B3GNT5: variants seen among roughly 807,000 people sequenced by gnomAD.
B3GNT5 encodes UDP-GlcNAc:betaGal beta-1,3-N-acetylglucosaminyltransferase 5.
In B3GNT5, 11 loss-of-function variants were observed where a neutral mutation model predicts 25.9. The observed-to-expected ratio is 0.42, with a 90% CI of 0.27 to 0.70. The LOEUF is 0.70. Ranked by LOEUF, B3GNT5 falls within the 30% of genes least tolerant of loss-of-function variation. B3GNT5 has a pLI of 0.23. For missense variants in B3GNT5, 385 were observed against 458.4 expected (o/e 0.84, Z 1.46); for synonymous variants, 166 against 158.6 (o/e 1.05, Z -0.35).
In B3GNT5 at chr3:183,270,985, G is replaced by GA. The variant is rs1577008169; in HGVS notation, c.*57dup. ...CACTGTCACTGAGTCAAACCTGGAT[G>GA]AAAAAAACCTTTAAATGTTCGTCTA... On this transcript the variant is annotated 3_prime_UTR_variant, in exon 2 of 2. Coordinates refer to ENST00000326505, the MANE Select transcript of B3GNT5 (RefSeq NM_032047.5). The surrounding 1 kb of genome is among the most constrained non-coding windows in gnomAD (Gnocchi z 4.5). 5 of 1,478,728 alleles carry GA rather than the reference G, an allele frequency of 3.4e-6. No homozygotes were observed. The South Asian group carries it at 4.2e-5, about 12-fold the overall frequency. The allele number at this position is 1,478,728 out of a possible 1,614,324, so 91.6% of individuals were successfully genotyped here. A position where few individuals can be genotyped will look rare whatever the true frequency, so the allele number is the denominator to read the frequency against.
In B3GNT5 at chr3:183,273,116, G is replaced by T; in HGVS notation, c.*2181G>T. The stretch of plus-strand genomic sequence containing the variant: ...TAAAAAAGAAGGAAAAAACTTTTTG[G>T]TGCTCCAGTGTAGGGCTATCTTTTT... On this transcript the variant is annotated 3_prime_UTR_variant, in exon 2 of 2. Transcript: ENST00000326505. 9.9e-7 allele frequency: 1 copy of T among 1,007,552 alleles called. No homozygotes were observed. Among genetic ancestry groups the T allele is most frequent in the Non-Finnish European group, 1.4e-6 (1 of 701,798 alleles). 62.4% of individuals were successfully genotyped at this position (1,007,552 alleles called of 1,614,324 possible).
rs144646232 is a variant in B3GNT5, at chr3:183,270,681, A to G, written c.883A>G (p.Ile295Val). The G allele has an allele frequency of 6.3e-5, 101 of 1,614,158 alleles. No homozygotes were observed. In the African/African-American group the frequency reaches 1.3e-3, roughly 20 times the overall value. The change falls in exon 2 of 2, where the codon ATA (isoleucine) becomes GTA (valine). Residue 295 changes from isoleucine to valine, a missense_variant. Coordinates refer to ENST00000326505, the MANE Select transcript of B3GNT5 (RefSeq NM_032047.5). This position sits in a 1 kb window ranked among gnomAD's most constrained non-coding sequence, Gnocchi z 4.5. ...GGGCCTCTGTGCCAATAAAATAGGG[A>G]TAGTACCGCAGGACCATGTGTTTTT... ...FMGLCANKIG[I>V]VPQDHVFFSG...
At chr3:183,265,276 C>T (rs1725989764) in intron 1 of B3GNT5, 1 of 152,268 alleles carries the variant, frequency 6.6e-6, no homozygotes, top group Non-Finnish European at 1.5e-5. Flanking sequence ...GGCCACTGAC[C>T]CGTGCTGCAG....
At position 183,272,995 on chromosome 3, in the gene B3GNT5, C is replaced by A; in HGVS notation, c.*2060C>A. 6.8e-7 allele frequency: 1 copy of A among 1,478,428 alleles called. No homozygotes were observed. The highest frequency in any genetic ancestry group is 1.4e-5 in the South Asian group (1 of 71,492). 91.6% of individuals were successfully genotyped at this position (1,478,428 alleles called of 1,614,324 possible). A position where few individuals can be genotyped will look rare whatever the true frequency, so the allele number is the denominator to read the frequency against. Reference sequence around the variant, plus strand: ...TTTCAAGGAAATATGAAGGCACTTCCTTTTTTTCTAAGAAGGAAGTTGCTA... The same window carrying A: ...TTTCAAGGAAATATGAAGGCACTTCATTTTTTTCTAAGAAGGAAGTTGCTA... On this transcript the variant is annotated 3_prime_UTR_variant, in exon 2 of 2. Coordinates refer to ENST00000326505, the MANE Select transcript of B3GNT5 (RefSeq NM_032047.5).
intron 1 of B3GNT5, among the ~76,000 whole-genome samples, chr3:183,268,436 A>G (rs1178267413): frequency 1.5e-4 from 23 of 152,170 alleles, no homozygotes; most frequent in Admixed American, 1.4e-3. Flanking sequence ...TGATGATAAC[A>G]TGAAGGGGTG....
intron 1 of B3GNT5, among the ~76,000 whole-genome samples, chr3:183,257,173 A>G (rs1049187538): frequency 1.3e-5 from 2 of 152,244 alleles, no homozygotes; most frequent in Admixed American, 6.5e-5. Flanking sequence ...TGACATTGTC[A>G]ACAAGTTATC....
chr3:183,255,210 G>A (rs899078073), intron 1 of B3GNT5, among the ~76,000 whole-genome samples: 3 of 152,204 alleles, frequency 2.0e-5, no homozygotes, highest in Non-Finnish European at 2.9e-5. Flanking sequence ...CCCAGAAAAG[G>A]ATGATTGAAG....
At chr3:183,253,576 C>T (rs1724712282) in intron 1 of B3GNT5, 104 bp downstream of exon 1, 1 of 152,262 alleles carries the variant, frequency 6.6e-6, no homozygotes, top group Admixed American at 6.5e-5. Context: ...AGTTTCCTTA[C>T]TTTGTTACTG....
intron 1 of B3GNT5, among the ~76,000 whole-genome samples, chr3:183,259,973 C>T (rs1384842419): frequency 6.6e-6 from 1 of 152,182 alleles, no homozygotes; most frequent in Non-Finnish European, 1.5e-5. Flanking sequence ...AGCAAATTCT[C>T]ATCCATCTTG....
Position 183,270,097 on chromosome 3 carries a change from A to C in B3GNT5, c.299A>C (p.Asn100Thr). ...LLLFVKTAPE[N>T]YDRRSGIRRT... ...CTGTTTGTAAAAACTGCTCCTGAAA[A>C]CTATGATCGACGTTCCGGAATTAGA... is the stretch of plus-strand genomic sequence containing the variant. The change falls in exon 2 of 2, where the codon AAC (asparagine) becomes ACC (threonine). Residue 100 changes from asparagine to threonine, a missense_variant. Physicochemically the swap from Asn to Thr is moderately conservative, Grantham distance 65 (BLOSUM62 0). Transcript: ENST00000326505. This position sits in a 1 kb window ranked among gnomAD's most constrained non-coding sequence, Gnocchi z 4.5. 6.2e-7 allele frequency: 1 copy of C among 1,614,162 alleles called. No individual in the cohort carries two copies. The highest frequency in any genetic ancestry group is 1.1e-5 in the South Asian group (1 of 91,076).
At position 183,270,550 on chromosome 3, in the gene B3GNT5, A is replaced by T. The variant is rs1726667127; in HGVS notation, c.752A>T (p.Asp251Val). Residue 251 changes from aspartate (D) to valine (V), a missense_variant, in exon 2 of 2, where the codon GAC becomes GTC. Physicochemically the swap from Asp to Val is radical, Grantham distance 152 (BLOSUM62 -3). Transcript: ENST00000326505. The surrounding 1 kb of genome is among the most constrained non-coding windows in gnomAD (Gnocchi z 4.5). ...ATGTACCAGTGGCCAGCTTACCCTGACTACACAGCCGGAGCTGCCTATGTA... is the reference window on the plus strand; with the variant it reads ...ATGTACCAGTGGCCAGCTTACCCTGTCTACACAGCCGGAGCTGCCTATGTA... ...YEMYQWPAYP[D>V]YTAGAAYVIS... 2.5e-6 allele frequency: 4 copies of T among 1,614,014 alleles called. No individual in the cohort carries two copies. The highest frequency in any genetic ancestry group is 1.7e-5 in the Admixed American group (1 of 59,994).
chr3:183,266,080 G>A (rs1028683949), intron 1 of B3GNT5: 3 of 152,160 alleles, frequency 2.0e-5, no homozygotes, highest in Non-Finnish European at 2.9e-5. Context: ...ACCAGCTGCC[G>A]GCTTACAGTA....
At chr3:183,255,397 G>A (rs1724951645) in intron 1 of B3GNT5, among the ~76,000 whole-genome samples, 1 of 152,226 alleles carries the variant, frequency 6.6e-6, no homozygotes, top group Admixed American at 6.5e-5. Context: ...TGCTTTTAAA[G>A]CAAGCTAAAC....
intron 1 of B3GNT5, among the ~76,000 whole-genome samples, chr3:183,268,503 A>G (rs1726374992): frequency 6.6e-6 from 1 of 151,382 alleles, no homozygotes; most frequent in African/African-American, 2.5e-5. Flanking sequence ...ATGGAAGTGG[A>G]GAAAATGGGG....
At chr3:183,255,344 T>TC (rs1185979817) in intron 1 of B3GNT5, among the ~76,000 whole-genome samples, 1 of 152,238 alleles carries the variant, frequency 6.6e-6, no homozygotes, top group African/African-American at 2.4e-5. Context: ...TTCTATCTGG[T>TC]CACAAGTGAG....
Position 183,270,377 on chromosome 3 carries a change from T to C in B3GNT5, c.579T>C (p.Asp193=), listed in dbSNP as rs1399703671. ...CPHAKFLMTA[D]DDIFIHMPNL... ...ATGCCAAATTTCTTATGACTGCTGA[T>C]GATGACATATTTATTCACATGCCAA... is the stretch of plus-strand genomic sequence containing the variant. Residue 193 remains aspartate (D), a synonymous_variant, in exon 2 of 2, where the codon GAT becomes GAC. Coordinates refer to ENST00000326505, the MANE Select transcript of B3GNT5 (RefSeq NM_032047.5). The surrounding 1 kb of genome is among the most constrained non-coding windows in gnomAD (Gnocchi z 4.5). 6.2e-7 allele frequency: 1 copy of C among 1,614,254 alleles called. No individual in the cohort carries two copies. The highest frequency in any genetic ancestry group is 8.5e-7 in the Non-Finnish European group (1 of 1,180,042).
At position 183,273,054 on chromosome 3, in the gene B3GNT5, G is replaced by C. The variant is rs1332397630; in HGVS notation, c.*2119G>C. 6.7e-7 allele frequency: 1 copy of C among 1,487,092 alleles called. No individual in the cohort carries two copies. The highest frequency in any genetic ancestry group is 8.9e-7 in the Non-Finnish European group (1 of 1,118,000). 92.1% of individuals were successfully genotyped at this position (1,487,092 alleles called of 1,614,324 possible). On this transcript the variant is annotated 3_prime_UTR_variant, in exon 2 of 2. Coordinates refer to ENST00000326505, the MANE Select transcript of B3GNT5 (RefSeq NM_032047.5). ...CTTCATCACACTTACTTAAAGTACT[G>C]AGAAGAGTATCTGTAAATAAAAGGG... is the stretch of plus-strand genomic sequence containing the variant.
intron 1 of B3GNT5, among the ~76,000 whole-genome samples, chr3:183,262,251 T>C (rs1207055402): frequency 6.6e-6 from 1 of 151,426 alleles, no homozygotes; most frequent in Non-Finnish European, 1.5e-5. Context: ...TCTTGTTTTA[T>C]GATACTTTAG....
At chr3:183,266,775 G>C (rs1217591246) in intron 1 of B3GNT5, among the ~76,000 whole-genome samples, 1 of 151,832 alleles carries the variant, frequency 6.6e-6, no homozygotes, top group Admixed American at 6.6e-5. Context: ...CTGTTCCTTA[G>C]AGCAGTGTTT....
Sources: gnomAD v4.1 joint callset for allele counts (sites outside exome capture counted in the v4.1 genomes callset) on GRCh38, gnomAD v4.1.1 for gene constraint, Gnocchi (gnomAD v3.1) non-coding constraint, MANE v1.5 for transcripts, NCBI Gene and HGNC (gene_info 2026-07-23, HGNC 2026-07-21) for gene names.